Variants in BRCA1 observed in about 807,000 individuals in gnomAD.
BRCA1 encodes the protein breast cancer type 1 susceptibility protein.
Under a neutral mutation model 173.7 loss-of-function variants are expected in BRCA1, and 140 were observed. The observed-to-expected ratio is 0.81, with a 90% CI of 0.70 to 0.93. BRCA1 has a LOEUF of 0.93. Ranked by LOEUF, BRCA1 falls within the 40% of genes least tolerant of loss-of-function variation. BRCA1 has a pLI of 0.00. For missense variants in BRCA1, 1,983 were observed against 2,172.5 expected, an observed-to-expected ratio of 0.91 and a Z score of 1.73; for synonymous variants, 662 against 756.0, an observed-to-expected ratio of 0.88 and a Z score of 2.04.
intron 18 of BRCA1, among the ~76,000 whole-genome samples, chr17:43,062,545 T>C (rs2051809543): frequency 6.6e-6 from 1 of 152,232 alleles, no homozygotes; most frequent in Non-Finnish European, 1.5e-5. Context: ...GAAAGGACTG[T>C]TTCTTTTGAA....
At position 43,115,714 on chromosome 17, in the gene BRCA1, A is replaced by G. The variant is rs2055239927; in HGVS notation, c.134+12T>C. The G allele has an allele frequency of 6.2e-7, 1 of 1,612,398 alleles. No homozygotes were observed. The highest frequency in any genetic ancestry group is 8.5e-7 in the Non-Finnish European group (1 of 1,178,888). Reference sequence around the variant, plus strand: ...AGCTAATAATGGAGCCACATAACACATTCAAACTTACTTGCAAAATATGTG... The same window carrying G: ...AGCTAATAATGGAGCCACATAACACGTTCAAACTTACTTGCAAAATATGTG... On this transcript the variant is annotated intron_variant, in intron 3 of 22. Coordinates refer to ENST00000357654, the MANE Select transcript of BRCA1 (RefSeq NM_007294.4).
At chr17:43,151,157 G>C (rs2056158913) in intron 1 of BRCA1, among the ~76,000 whole-genome samples, 1 of 152,316 alleles carries the variant, frequency 6.6e-6, no homozygotes, top group Non-Finnish European at 1.5e-5. Flanking sequence ...ACAGGCTGGA[G>C]AGGCCCAGGG....
rs80357202 is a variant in BRCA1 at position 43,091,477 on chromosome 17, C to T, written c.4054G>A (p.Glu1352Lys). ...CTTTGCTCTTCTTGATTATTTTCTT[C>T]CAAGCCCGTTCCTCTTTCTTCATCA... Reference protein sequence around the residue: ...SDDEERGTGLEENNQEEQSMD... With the variant: ...SDDEERGTGLKENNQEEQSMD... The change falls in exon 10 of 23, where the codon GAA (glutamate) becomes AAA (lysine). Residue 1352 changes from glutamate to lysine, a missense_variant. Coordinates refer to ENST00000357654, the MANE Select transcript of BRCA1 (RefSeq NM_007294.4). 4 of 1,613,630 alleles carry T rather than the reference C, an allele frequency of 2.5e-6. No homozygotes were observed. Among genetic ancestry groups the T allele is most frequent in the Non-Finnish European group, 3.4e-6 (4 of 1,179,764 alleles).
intron 1 of BRCA1, chr17:43,138,596 G>T (rs11656097): frequency 0.34 from 253,303 of 736,816 alleles, 45,223 homozygotes; most frequent in South Asian, 0.5. Flanking sequence ...ATGCCTGGAT[G>T]TGGAGTTGTG....
chr17:43,129,706 C>T (rs1456460810), upstream of BRCA1, among the ~76,000 whole-genome samples: 1 of 152,172 alleles, frequency 6.6e-6, no homozygotes, highest in Non-Finnish European at 1.5e-5. Flanking sequence ...GATCTCCTGA[C>T]CTCGTGATCT....
chr17:43,147,430 C>G (rs974947716), intron 1 of BRCA1, among the ~76,000 whole-genome samples: 19 of 152,174 alleles, frequency 1.2e-4, no homozygotes, highest in Admixed American at 3.3e-4. Context: ...ACCTCGTGAT[C>G]TGCCCGCCTC....
At chr17:43,105,974 A>C (rs924752995) in intron 4 of BRCA1, among the ~76,000 whole-genome samples, 1 of 152,058 alleles carries the variant, frequency 6.6e-6, no homozygotes, top group African/African-American at 2.4e-5. Flanking sequence ...AAAAAATACA[A>C]AAATTGGCCG....
intron 2 of BRCA1, among the ~76,000 whole-genome samples, chr17:43,118,884 A>C (rs1182427311): frequency 2.0e-5 from 3 of 151,468 alleles, no homozygotes; most frequent in South Asian, 2.1e-4. Context: ...GTGCCTCAGC[A>C]TTCCAAGTAG....
intron 11 of BRCA1, 123 bp from the exon 12 acceptor site, chr17:43,082,698 A>G (rs2053078477): frequency 9.6e-7 from 1 of 1,042,318 alleles, no homozygotes; most frequent in South Asian, 1.4e-5. Flanking sequence ...TGGAACTACA[A>G]GTTCTAGCTG....
Position 43,063,867 on chromosome 17 carries a change from T to C in BRCA1, c.5152+7A>G, listed in dbSNP as rs80358046. The C allele has an allele frequency of 6.2e-7, 1 of 1,608,686 alleles. No individual in the cohort carries two copies. Among genetic ancestry groups the C allele is most frequent in the African/African-American group, 1.3e-5 (1 of 74,926 alleles). Reference sequence around the variant, plus strand: ...AGGGAGGAGGGGAGAAATAGTATTATACTTACAGAAATAGCTAACTACCCA... The same window carrying C: ...AGGGAGGAGGGGAGAAATAGTATTACACTTACAGAAATAGCTAACTACCCA... On this transcript the variant is annotated splice_region_variant and intron_variant, in intron 17 of 22. Transcript: ENST00000357654.
At chr17:43,102,503 C>T (rs997611928) in intron 6 of BRCA1, among the ~76,000 whole-genome samples, 4 of 151,584 alleles carry the variant, frequency 2.6e-5, no homozygotes, top group South Asian at 2.1e-4. Context: ...ATTACAGGCA[C>T]GTGCCACCAC....
chr17:43,106,619 T>G (rs73983788), intron 3 of BRCA1, 86 bp from the exon 4 acceptor site: 1 of 1,025,390 alleles, frequency 9.8e-7, no homozygotes, highest in African/African-American at 1.6e-5. Context: ...CATGAAAAGA[T>G]AATCTCACAA....
At chr17:43,078,836 G>C (rs769159611) in intron 12 of BRCA1, among the ~76,000 whole-genome samples, 9 of 152,118 alleles carry the variant, frequency 5.9e-5, no homozygotes, top group Non-Finnish European at 1.2e-4. Flanking sequence ...CCCAATACAG[G>C]GTGATAATTG....
rs1057520602 is a variant in BRCA1, at chr17:43,070,913, T to C, written c.4986+15A>G. 1 of 1,613,814 alleles carries C rather than the reference T, an allele frequency of 6.2e-7. No individual in the cohort carries two copies. Among genetic ancestry groups the C allele is most frequent in the Admixed American group, 1.7e-5 (1 of 60,024 alleles). On this transcript the variant is annotated intron_variant, in intron 15 of 22. Transcript: ENST00000357654. ...AAGTCTTAGTCATTAGGGAGATACATATGGATACACTCACAAATTCTTCTG... is the reference window on the plus strand; with the variant it reads ...AAGTCTTAGTCATTAGGGAGATACACATGGATACACTCACAAATTCTTCTG...
At chr17:43,090,703 T>C (rs2154246078) in intron 11 of BRCA1, among the ~76,000 whole-genome samples, 1 of 152,316 alleles carries the variant, frequency 6.6e-6, no homozygotes, top group East Asian at 1.9e-4. Flanking sequence ...TTTAGTATGC[T>C]ACAATGAGCT....
chr17:43,096,186 G>A (rs544408856), intron 8 of BRCA1, among the ~76,000 whole-genome samples: 6 of 151,842 alleles, frequency 4.0e-5, no homozygotes, highest in Non-Finnish European at 7.4e-5. Context: ...AGACCAGCCT[G>A]GCCAACATGG....
chr17:43,070,422 C>A (rs1208704023), intron 15 of BRCA1, among the ~76,000 whole-genome samples: 2 of 152,056 alleles, frequency 1.3e-5, no homozygotes, highest in Non-Finnish European at 2.9e-5. Context: ...CAAGGTGATG[C>A]CAAAATCCTA....
chr17:43,102,423 C>A (rs1341085603), intron 6 of BRCA1, among the ~76,000 whole-genome samples: 2 of 135,306 alleles, frequency 1.5e-5, no homozygotes, highest in African/African-American at 2.9e-5. Context: ...GTGGCGCAAT[C>A]TCGGCTCACT....
chr17:43,095,800 C>A (rs748966067), intron 9 of BRCA1, 46 bp downstream of exon 9: 25 of 1,455,620 alleles, frequency 1.7e-5, no homozygotes, highest in Non-Finnish European at 2.2e-5. Flanking sequence ...CTGTATCTAC[C>A]CACTCTCTTT....
Sources: allele counts gnomAD v4.1 joint callset (sites outside exome capture counted in the v4.1 genomes callset), GRCh38; gene constraint gnomAD v4.1.1; transcripts MANE v1.5; gene names NCBI Gene and HGNC (gene_info 2026-07-23, HGNC 2026-07-21).